Variants in FBRSL1 observed in about 807,000 individuals in gnomAD.
The protein encoded by FBRSL1 is fibrosin-1-like protein.
Under a neutral mutation model 89.6 loss-of-function variants are expected in FBRSL1, and 51 were observed. That is an observed-to-expected ratio of 0.57 (90% CI 0.45 to 0.72). The LOEUF is 0.72. FBRSL1 is among the 30% of genes least tolerant of loss of function. The pLI, the probability that FBRSL1 is intolerant of heterozygous loss-of-function variation, is 0.00. For missense variants in FBRSL1, 1,618 were observed against 1,451.8 expected, an observed-to-expected ratio of 1.11 and a Z score of -1.86; for synonymous variants, 779 against 681.1, an observed-to-expected ratio of 1.14 and a Z score of -2.24.
chr12:132,582,975 C>T lies in FBRSL1; in HGVS notation c.2206C>T (p.Leu736Phe). ...GGTCCGCCCTGCCGCCCCCAGGGAC[C>T]TCCTGGAGAAGACGCGCCTGCTGAG... Reference protein sequence around the residue: ...DNGKEEQERDLLEKTRLLSRA... With the variant: ...DNGKEEQERDFLEKTRLLSRA... The change falls in exon 19 of 19, where the codon CTC becomes TTC. Residue 736 changes from leucine to phenylalanine, a missense_variant. Leu to Phe is a conservative substitution (Grantham distance 22). Coordinates refer to ENST00000680143, the MANE Select transcript of FBRSL1 (RefSeq NM_001367871.1). 2.1e-6 allele frequency: 3 copies of T among 1,427,894 alleles called. No homozygotes were observed. The highest frequency in any genetic ancestry group is 2.8e-5 in the South Asian group (2 of 70,376). The allele number at this position is 1,427,894 out of a possible 1,614,324, so 88.5% of individuals were successfully genotyped here. A position where few individuals can be genotyped will look rare whatever the true frequency, so the allele number is the denominator to read the frequency against.
rs947233802 is a variant in FBRSL1 at position 132,490,238 on chromosome 12, G to T, written c.-333G>T. The T allele has an allele frequency of 3.5e-4, 49 of 141,712 alleles. No individual in the cohort carries two copies. The highest frequency in any genetic ancestry group is 1.2e-3 in the African/African-American group (46 of 38,848). The allele number at this position is 141,712 out of a possible 1,614,324, so 8.8% of individuals were successfully genotyped here. On this transcript the variant is annotated 5_prime_UTR_variant, in exon 1 of 19. Transcript: ENST00000680143. ...CCGCCTCCCGCCTGCCGCCTGCCGC[G>T]CCCGCCCGGCCCCGCCCGCTCGGCC...
chr12:132,535,103 C>G (rs1441620012), intron 4 of FBRSL1, among the ~76,000 whole-genome samples: 1 of 152,232 alleles, frequency 6.6e-6, no homozygotes, highest in African/African-American at 2.4e-5. Context: ...ATTATGAGAA[C>G]AGGCCGGGCT....
chr12:132,574,104 T>G lies in FBRSL1; in HGVS notation c.1545T>G (p.Ile515Met). 7.5e-7 allele frequency: 1 copy of G among 1,339,076 alleles called. No individual in the cohort carries two copies. Among genetic ancestry groups the G allele is most frequent in the East Asian group, 3.1e-5 (1 of 32,622 alleles). The allele number at this position is 1,339,076 out of a possible 1,614,324, so 82.9% of individuals were successfully genotyped here. ...TCTCCCCTCAGACTTCAAGCCCCATTGAGGTGGCCCGCCGGGCTGGTGCGG... is the reference window on the plus strand; with the variant it reads ...TCTCCCCTCAGACTTCAAGCCCCATGGAGGTGGCCCGCCGGGCTGGTGCGG... ...GAFQPKTSSP[I>M]EVARRAGAVH... is the part of the protein sequence containing the mutation. Residue 515 changes from isoleucine to methionine, a missense_variant, in exon 12 of 19, where the codon ATT (isoleucine) becomes ATG (methionine). Transcript: ENST00000680143.
chr12:132,490,498 C>A lies in FBRSL1; in HGVS notation c.-73C>A. The stretch of plus-strand genomic sequence containing the variant: ...ACTCAGCCCGGCGGCGCCGCGTAGC[C>A]GAGGGAGCCCGCCTGCTGCGAGCCA... On this transcript the variant is annotated 5_prime_UTR_variant, in exon 1 of 19. Transcript: ENST00000680143. The A allele has an allele frequency of 1.1e-6, 1 of 947,132 alleles. No homozygotes were observed. Among genetic ancestry groups the A allele is most frequent in the Non-Finnish European group, 1.3e-6 (1 of 798,946 alleles). The allele number at this position is 947,132 out of a possible 1,614,324, so 58.7% of individuals were successfully genotyped here.
chr12:132,532,017 G>A (rs1351702320), intron 4 of FBRSL1, among the ~76,000 whole-genome samples: 5 of 152,200 alleles, frequency 3.3e-5, no homozygotes, highest in African/African-American at 4.8e-5. Flanking sequence ...CAGCGTGGCA[G>A]GGGGCTAGTG....
chr12:132,569,842 G>C, intron 6 of FBRSL1, 84 bp from the exon 7 acceptor site: 6 of 1,077,162 alleles, frequency 5.6e-6, no homozygotes, highest in Non-Finnish European at 7.3e-6. Context: ...CCTGGGCACC[G>C]GGCACGTACC....
At chr12:132,493,389 G>A (rs1457071949) in intron 1 of FBRSL1, among the ~76,000 whole-genome samples, 1 of 152,246 alleles carries the variant, frequency 6.6e-6, no homozygotes, top group African/African-American at 2.4e-5. Flanking sequence ...GGACACTGCA[G>A]TGGTATAAAC....
intron 5 of FBRSL1, among the ~76,000 whole-genome samples, chr12:132,561,971 A>G (rs10781620): frequency 0.88 from 133,680 of 152,240 alleles, 58,894 homozygotes; most frequent in East Asian, 0.99. Flanking sequence ...GGGCACGGCC[A>G]AGGAGGTGCC....
rs115724714 is a variant in FBRSL1 at position 132,569,666 on chromosome 12, C to T, written c.692-260C>T. 3.7e-3 allele frequency among the ~76,000 whole-genome samples: 565 copies of T among 152,320 alleles called. 5 individuals are homozygous for T. Among genetic ancestry groups the T allele is most frequent in the African/African-American group, 0.013 (537 of 41,578 alleles). On this transcript the variant is annotated intron_variant, in intron 6 of 18. Transcript: ENST00000680143. ...CCTGTCCCTGCCAGTGATGCGTCTTCGGGCAGGTGGGCTACCCACCCCCAC... is the reference window on the plus strand; with the variant it reads ...CCTGTCCCTGCCAGTGATGCGTCTTTGGGCAGGTGGGCTACCCACCCCCAC...
Position 132,583,764 on chromosome 12 carries a change from G to T in FBRSL1, c.2995G>T (p.Val999Leu), listed in dbSNP as rs1230661925. The change falls in exon 19 of 19, where the codon GTG becomes TTG. Residue 999 changes from valine to leucine, a missense_variant. Coordinates refer to ENST00000680143, the MANE Select transcript of FBRSL1 (RefSeq NM_001367871.1). ...CTCCCCGTCCCGAAATCCCCCGGAG[G>T]TGGAGGCGCGGTAGCCCCGGGGCCG... ...DYSPSRNPPE[V>L]EAR 5 of 1,217,466 alleles carry T rather than the reference G, an allele frequency of 4.1e-6. No individual in the cohort carries two copies. The highest frequency in any genetic ancestry group is 5.1e-6 in the Non-Finnish European group (5 of 978,704). 75.4% of individuals were successfully genotyped at this position (1,217,466 alleles called of 1,614,324 possible). A position where few individuals can be genotyped will look rare whatever the true frequency, so the allele number is the denominator to read the frequency against.
At chr12:132,581,319 C>T (rs1013411480) in intron 15 of FBRSL1, 120 bp from the exon 16 acceptor site, 26 of 1,538,362 alleles carry the variant, frequency 1.7e-5, no homozygotes, top group African/African-American at 1.4e-4. Flanking sequence ...TCAGGGCATG[C>T]GAGAGAATGG....
In FBRSL1 at chr12:132,499,095, T is replaced by C. The variant is rs2032537485; in HGVS notation, c.291+8234T>C. ...CCTCCAGGAGCTTGGGTGGCCAGAC[T>C]GGTCCCTGGGACTGGTGGGCCTCAT... On this transcript the variant is annotated intron_variant, in intron 1 of 18. Transcript: ENST00000680143. The surrounding 1 kb of genome is among the most constrained non-coding windows in gnomAD (Gnocchi z 4.3). Among the ~76,000 whole-genome samples, 1 of 152,240 alleles carries C rather than the reference T, an allele frequency of 6.6e-6. No individual in the cohort carries two copies. Among genetic ancestry groups the C allele is most frequent in the Admixed American group, 6.5e-5 (1 of 15,292 alleles).
intron 5 of FBRSL1, chr12:132,565,883 G>A (rs1196734740): frequency 6.6e-6 from 1 of 152,218 alleles, no homozygotes; most frequent in Non-Finnish European, 1.5e-5. Flanking sequence ...GCTCTGTAGA[G>A]ACAGACAGAT....
Position 132,583,456 on chromosome 12 carries a change from A to C in FBRSL1, c.2687A>C (p.Glu896Ala), listed in dbSNP as rs2040933944. ...CGCGAGCCCCACGGCTACAGCCCCG[A>C]GCGCCTGCGCGGGGAGCTGGAGCGC... is the stretch of plus-strand genomic sequence containing the variant. Reference protein sequence around the residue: ...RDREPHGYSPERLRGELERAR... With the variant: ...RDREPHGYSPARLRGELERAR... Residue 896 changes from glutamate to alanine, a missense_variant, in exon 19 of 19, where the codon GAG becomes GCG. By Grantham distance (107) the Glu-to-Ala change is moderately radical. Coordinates refer to ENST00000680143, the MANE Select transcript of FBRSL1 (RefSeq NM_001367871.1). The C allele has an allele frequency of 6.6e-6, 7 of 1,061,830 alleles. 1 individual carries two copies. In the South Asian group the frequency reaches 2.1e-4, roughly 31 times the overall value. The allele number at this position is 1,061,830 out of a possible 1,614,324, so 65.8% of individuals were successfully genotyped here.
At chr12:132,557,932 G>A (rs1338177413) in intron 5 of FBRSL1, among the ~76,000 whole-genome samples, 3 of 152,178 alleles carry the variant, frequency 2.0e-5, no homozygotes, top group African/African-American at 4.8e-5. Flanking sequence ...CCAGAGCAGG[G>A]CCTGGAAGAG....
Position 132,570,446 on chromosome 12 carries a change from C to T in FBRSL1, c.1119C>T (p.His373=). The change falls in exon 8 of 19, where the codon CAC becomes CAT. Residue 373 remains histidine, a synonymous_variant. Coordinates refer to ENST00000680143, the MANE Select transcript of FBRSL1 (RefSeq NM_001367871.1). ...SHLALRSQAQ[H]QLHAAMFAAP... is the part of the protein sequence containing the mutation. The stretch of plus-strand genomic sequence containing the variant: ...TGGCGCTCCGGTCCCAGGCGCAGCA[C>T]CAGCTCCACGCGGCCATGTTTGCCG... The T allele has an allele frequency of 3.9e-6, 6 of 1,534,672 alleles. No homozygotes were observed. Among genetic ancestry groups the T allele is most frequent in the Non-Finnish European group, 5.2e-6 (6 of 1,145,746 alleles).
intron 4 of FBRSL1, among the ~76,000 whole-genome samples, chr12:132,529,039 G>T (rs1053342680): frequency 2.0e-5 from 3 of 152,188 alleles, no homozygotes; most frequent in African/African-American, 7.2e-5. Context: ...TAAGTATCAG[G>T]AGGAACATTA....
At position 132,573,689 on chromosome 12, in the gene FBRSL1, G is replaced by A. The variant is rs545828872; in HGVS notation, c.1531-401G>A. ...AGGAGGGGGCTGTGGTGTGATGGCCGGTCTTTGCTGTGGGACCCCCCTTTC... is the reference window on the plus strand; with the variant it reads ...AGGAGGGGGCTGTGGTGTGATGGCCAGTCTTTGCTGTGGGACCCCCCTTTC... On this transcript the variant is annotated intron_variant, in intron 11 of 18. Transcript: ENST00000680143. 7.9e-5 allele frequency among the ~76,000 whole-genome samples: 12 copies of A among 152,248 alleles called. No individual in the cohort carries two copies. The Middle Eastern group carries it at 0.014, about 173-fold the overall frequency.
At position 132,525,842 on chromosome 12, in the gene FBRSL1, G is replaced by A. The variant is rs755029725; in HGVS notation, c.579+19G>A. On this transcript the variant is annotated intron_variant, in intron 3 of 18. Transcript: ENST00000680143. ...CAGCGATGTGAGTACCCAGCTGCCC[G>A]CGCCCGGAGGCTCCGAGTCTGGGCC... is the stretch of plus-strand genomic sequence containing the variant. 23 of 1,534,236 alleles carry A rather than the reference G, an allele frequency of 1.5e-5. No homozygotes were observed. The highest frequency in any genetic ancestry group is 4.1e-5 in the African/African-American group (3 of 72,714).
Sources: allele counts gnomAD v4.1 joint callset (sites outside exome capture counted in the v4.1 genomes callset), GRCh38; gene constraint gnomAD v4.1.1; non-coding constraint Gnocchi (gnomAD v3.1); transcripts MANE v1.5; gene names NCBI Gene and HGNC (gene_info 2026-07-23, HGNC 2026-07-21).